ADGRB3: variants seen among roughly 807,000 people sequenced by gnomAD.
ADGRB3 encodes brain-specific angiogenesis inhibitor 3.
ADGRB3 carries 37 observed loss-of-function variants against 193.4 expected under a neutral mutation model. The ratio of observed to expected loss-of-function variants is 0.19; its 90% confidence interval spans 0.15 to 0.25. ADGRB3 has a LOEUF of 0.25. Among genes scored for constraint, ADGRB3 ranks in the 10% least tolerant of loss-of-function variants. The pLI, the probability that ADGRB3 is intolerant of heterozygous loss-of-function variation, is 1.00. For synonymous variants in ADGRB3, 690 were observed against 644.2 expected (o/e 1.07, Z -1.08); for missense variants, 1,637 against 1,852.9 (o/e 0.88, Z 2.14).
At chr6:69,382,701 C>A in intron 30 of ADGRB3, 130 bp from the exon 31 acceptor site, 1 of 520,374 alleles carries the variant, frequency 1.9e-6, no homozygotes. Context: ...TGCATTTGTG[C>A]ATCTTATAGG....
chr6:68,642,812 A>AAAAAAAACTT lies in ADGRB3; in HGVS notation c.757+3385_757+3386insAACTTAAAAA, dbSNP rs1171366486. Among the ~76,000 whole-genome samples, 7 of 152,120 alleles carry AAAAAAAACTT rather than the reference A, an allele frequency of 4.6e-5. No homozygotes were observed. In the East Asian group the frequency reaches 1.4e-3, roughly 29 times the overall value. On this transcript the variant is annotated intron_variant, in intron 3 of 31. Transcript: ENST00000370598. ...ACATATAATGGCTATAACTTAAAAA[A>AAAAAAAACTT]AAAAACTCAAATAACATTATGGTTT...
chr6:69,133,524 A>C (rs1018920631), intron 17 of ADGRB3, among the ~76,000 whole-genome samples: 1 of 152,078 alleles, frequency 6.6e-6, no homozygotes, highest in Non-Finnish European at 1.5e-5. Context: ...TTCACAGCCA[A>C]ATTCTACCAG....
At chr6:69,064,688 C>T (rs2150308678) in intron 16 of ADGRB3, among the ~76,000 whole-genome samples, 1 of 151,926 alleles carries the variant, frequency 6.6e-6, no homozygotes, top group Non-Finnish European at 1.5e-5. Context: ...GAAGAAGCAC[C>T]CAGTATCAGA....
chr6:68,706,775 T>A (rs1451014909), intron 3 of ADGRB3, among the ~76,000 whole-genome samples: 1 of 152,210 alleles, frequency 6.6e-6, no homozygotes, highest in African/African-American at 2.4e-5. Flanking sequence ...AGTGCATATA[T>A]AATATTGTAG....
chr6:68,672,616 G>A (rs1371838081), intron 3 of ADGRB3, among the ~76,000 whole-genome samples: 1 of 151,904 alleles, frequency 6.6e-6, no homozygotes, highest in Admixed American at 6.6e-5. Context: ...ACAGGAGTGC[G>A]CAATATCTGG....
intron 20 of ADGRB3, among the ~76,000 whole-genome samples, chr6:69,297,370 C>CTCTCTCTT (rs1554192074): frequency 0.019 from 1,973 of 103,434 alleles, 13 homozygotes; most frequent in African/African-American, 0.053. Flanking sequence ...CTCTCTCTTT[C>CTCTCTCTT]TCTCTCTCTC....
chr6:68,694,852 T>TTC (rs1765131653), intron 3 of ADGRB3, among the ~76,000 whole-genome samples: 2 of 152,048 alleles, frequency 1.3e-5, no homozygotes, highest in African/African-American at 4.8e-5. Flanking sequence ...TTAAACACCA[T>TTC]TCTCCCAAGC....
Position 69,106,645 on chromosome 6 carries a change from G to A in ADGRB3, c.2480+30607G>A, listed in dbSNP as rs117312447. ...CAGCAGTTTGCCAGAGGCTTTAATC[G>A]TATGCTTTATAGTAAAGCCTGAAAA... On this transcript the variant is annotated intron_variant, in intron 17 of 31. Transcript: ENST00000370598. 1.9e-3 allele frequency among the ~76,000 whole-genome samples: 288 copies of A among 152,306 alleles called. 5 individuals are homozygous for A. The East Asian group carries it at 0.042, about 22-fold the overall frequency.
intron 11 of ADGRB3, among the ~76,000 whole-genome samples, chr6:69,006,653 G>A (rs1028415676): frequency 6.6e-6 from 1 of 151,752 alleles, no homozygotes; most frequent in Non-Finnish European, 1.5e-5. Context: ...TTATAGGTGT[G>A]CACCACCATG....
chr6:69,080,059 C>A (rs1772344187), intron 17 of ADGRB3, among the ~76,000 whole-genome samples: 1 of 152,000 alleles, frequency 6.6e-6, no homozygotes, highest in African/African-American at 2.4e-5. Flanking sequence ...GAACTAATTT[C>A]TCTCCTTTGC....
chr6:69,026,693 C>T lies in ADGRB3; in HGVS notation c.2107+8194C>T, dbSNP rs1316823999. Among the ~76,000 whole-genome samples the T allele has an allele frequency of 2.0e-5, 3 of 152,182 alleles. 1 individual carries two copies. The South Asian group carries it at 6.2e-4, about 31-fold the overall frequency. On this transcript the variant is annotated intron_variant, in intron 13 of 31. Transcript: ENST00000370598. ...CTAGATGGTATAGCCTATTACACGT[C>T]TAGGCTACAGGGTATAGCCTATTGC...
intron 3 of ADGRB3, among the ~76,000 whole-genome samples, chr6:68,807,741 TAAAA>T (rs1767434851): frequency 1.3e-5 from 2 of 152,070 alleles, no homozygotes; most frequent in African/African-American, 4.8e-5. Context: ...AAGTGAGAAC[TAAAA>T]AAACTGTGAA....
At chr6:68,799,117 G>A (rs1767266357) in intron 3 of ADGRB3, among the ~76,000 whole-genome samples, 1 of 151,670 alleles carries the variant, frequency 6.6e-6, no homozygotes, top group South Asian at 2.1e-4. Context: ...AGGGAGGGGA[G>A]GGAGTACACA....
intron 3 of ADGRB3, among the ~76,000 whole-genome samples, chr6:68,734,133 T>C (rs902288902): frequency 6.6e-6 from 1 of 152,012 alleles, no homozygotes; most frequent in Non-Finnish European, 1.5e-5. Context: ...ATCATAAATA[T>C]GTAAACATAC....
intron 13 of ADGRB3, among the ~76,000 whole-genome samples, chr6:69,034,733 TAATA>T (rs1210689742): frequency 6.6e-6 from 1 of 151,412 alleles, no homozygotes; most frequent in African/African-American, 2.4e-5. Context: ...AGGGATAGTT[TAATA>T]ATGAGAGGAT....
chr6:68,731,514 A>G (rs1013375409), intron 3 of ADGRB3, among the ~76,000 whole-genome samples: 1 of 151,662 alleles, frequency 6.6e-6, no homozygotes, highest in Non-Finnish European at 1.5e-5. Flanking sequence ...AAAGTTTGAC[A>G]TTTAGAATAT....
At chr6:68,827,978 A>T (rs1334085209) in intron 3 of ADGRB3, among the ~76,000 whole-genome samples, 1 of 152,122 alleles carries the variant, frequency 6.6e-6, no homozygotes, top group Non-Finnish European at 1.5e-5. Context: ...TTTTGAGTTC[A>T]TCTGATTAGG....
At chr6:69,384,029 G>A (rs760141153) in intron 31 of ADGRB3, among the ~76,000 whole-genome samples, 4 of 151,984 alleles carry the variant, frequency 2.6e-5, no homozygotes, top group South Asian at 2.1e-4. Flanking sequence ...TGTTAGCTTC[G>A]GAAGAGCTGA....
intron 3 of ADGRB3, among the ~76,000 whole-genome samples, chr6:68,675,301 T>C (rs1769062961): frequency 6.6e-6 from 1 of 152,052 alleles, no homozygotes; most frequent in Non-Finnish European, 1.5e-5. Context: ...AGTTGATAAA[T>C]TACTGCTACA....
Sources: allele counts gnomAD v4.1 joint callset (sites outside exome capture counted in the v4.1 genomes callset), GRCh38; gene constraint gnomAD v4.1.1; transcripts MANE v1.5; gene names NCBI Gene and HGNC (gene_info 2026-07-23, HGNC 2026-07-21).